Variants in DSCAM observed in about 807,000 individuals in gnomAD.
The protein encoded by DSCAM is cell adhesion molecule DSCAM.
Under a neutral mutation model 217.7 loss-of-function variants are expected in DSCAM, and 47 were observed. The ratio of observed to expected loss-of-function variants is 0.22; its 90% CI spans 0.17 to 0.28. The LOEUF (loss-of-function observed/expected upper bound fraction) is 0.28, where lower values mean the gene tolerates loss of function less well. DSCAM is among the 10% of genes least tolerant of loss of function. The probability of loss-of-function intolerance (pLI) is 1.00; values close to 1 mark genes in which losing one functional copy is unlikely to be tolerated. For synonymous variants in DSCAM, 1,056 were observed against 1,015.3 expected (o/e 1.04, Z -0.76); for missense variants, 2,080 against 2,618.3 (o/e 0.79, Z 4.49).
intron 3 of DSCAM, among the ~76,000 whole-genome samples, chr21:40,616,582 G>A (rs902663746): frequency 1.3e-5 from 2 of 152,112 alleles, no homozygotes; most frequent in Non-Finnish European, 2.9e-5. Context: ...AGACTTTGGA[G>A]GCCACTGCTG....
chr21:40,547,066 A>T (rs534415528), intron 3 of DSCAM, among the ~76,000 whole-genome samples: 21 of 152,284 alleles, frequency 1.4e-4, no homozygotes, highest in African/African-American at 5.1e-4. Context: ...CAGAGCCAAG[A>T]GCAGCCCAAC....
chr21:40,579,673 A>G (rs2146219696), intron 3 of DSCAM, among the ~76,000 whole-genome samples: 1 of 152,362 alleles, frequency 6.6e-6, no homozygotes, highest in South Asian at 2.1e-4. Context: ...GACAAAGTTA[A>G]GATCGTCGCT....
chr21:40,740,910 T>C (rs1242206235), intron 1 of DSCAM, among the ~76,000 whole-genome samples: 1 of 152,228 alleles, frequency 6.6e-6, no homozygotes, highest in Non-Finnish European at 1.5e-5. Context: ...GGTATTATCC[T>C]CCAACTCTAG....
chr21:40,433,707 G>T (rs1041772443), intron 3 of DSCAM, among the ~76,000 whole-genome samples: 2 of 152,138 alleles, frequency 1.3e-5, no homozygotes, highest in Non-Finnish European at 2.9e-5. Context: ...CATCTGAGGT[G>T]GATGTCACCT....
At chr21:40,175,952 G>T (rs1268682776) in intron 15 of DSCAM, among the ~76,000 whole-genome samples, 1 of 151,692 alleles carries the variant, frequency 6.6e-6, no homozygotes, top group East Asian at 2.0e-4. Context: ...AGAATTGTAA[G>T]CACATATGCC....
intron 8 of DSCAM, among the ~76,000 whole-genome samples, chr21:40,315,288 C>T (rs1859203204): frequency 6.6e-6 from 1 of 151,666 alleles, no homozygotes; most frequent in Non-Finnish European, 1.5e-5. Flanking sequence ...CCTATAGTCC[C>T]AGCTACTAGG....
chr21:40,500,083 G>T (rs1247902404), intron 3 of DSCAM, among the ~76,000 whole-genome samples: 1 of 152,158 alleles, frequency 6.6e-6, no homozygotes, highest in Non-Finnish European at 1.5e-5. Flanking sequence ...ACTGCGCCCG[G>T]CTGAGTACCC....
At chr21:40,381,893 G>A (rs1346019737) in intron 3 of DSCAM, among the ~76,000 whole-genome samples, 3 of 152,162 alleles carry the variant, frequency 2.0e-5, no homozygotes, top group Non-Finnish European at 4.4e-5. Context: ...TAAATATTCT[G>A]CAGCTTGTTT....
At chr21:40,487,109 T>TTTGA (rs1046775760) in intron 3 of DSCAM, among the ~76,000 whole-genome samples, 4 of 152,184 alleles carry the variant, frequency 2.6e-5, no homozygotes, top group African/African-American at 9.6e-5. Flanking sequence ...AGCACAAAGG[T>TTTGA]TTGATCCTTT....
chr21:40,594,231 T>A (rs2077004482), intron 3 of DSCAM, among the ~76,000 whole-genome samples: 1 of 152,200 alleles, frequency 6.6e-6, no homozygotes, highest in East Asian at 1.9e-4. Flanking sequence ...CAATCCTAGA[T>A]TTGGAACAAT....
chr21:40,530,920 ACCATCCATCCATCCAT>A (rs749257248), intron 3 of DSCAM, among the ~76,000 whole-genome samples: 3,340 of 88,530 alleles, frequency 0.038, 120 homozygotes, highest in African/African-American at 0.18. Flanking sequence ...CATCCATTCA[ACCATCCATCCATCCAT>A]CCATCCATCC....
At chr21:40,622,960 C>T (rs533207481) in intron 3 of DSCAM, among the ~76,000 whole-genome samples, 69 of 152,042 alleles carry the variant, frequency 4.5e-4, no homozygotes, top group African/African-American at 1.6e-3. Context: ...ACATTAGTTA[C>T]CTAGTAAATT....
intron 10 of DSCAM, among the ~76,000 whole-genome samples, chr21:40,278,753 AGAG>A (rs1040599847): frequency 1.3e-5 from 2 of 151,998 alleles, no homozygotes; most frequent in South Asian, 2.1e-4. Flanking sequence ...AGGAGGAGGA[AGAG>A]GAGGAGGAGG....
Position 40,518,820 on chromosome 21 carries a change from T to G in DSCAM, c.509-149575A>C, listed in dbSNP as rs1433736502. ...AGTGGGATATGTTCTGATAAGTATG[T>G]CATTAGGCAATTTCATTATCATGCA... On this transcript the variant is annotated intron_variant, in intron 3 of 32. Transcript: ENST00000400454. 6.6e-5 allele frequency among the ~76,000 whole-genome samples: 10 copies of G among 151,498 alleles called. No homozygotes were observed. In the Admixed American group the frequency reaches 6.6e-4, roughly 10 times the overall value.
chr21:40,825,467 A>G (rs997699977), intron 1 of DSCAM, among the ~76,000 whole-genome samples: 19 of 151,940 alleles, frequency 1.3e-4, no homozygotes, highest in African/African-American at 4.4e-4. Flanking sequence ...ACAGGCACTT[A>G]CCACCACGCC....
rs34308158 is a variant in DSCAM at position 40,246,354 on chromosome 21, TAAAAAAAAAAAAA to T, written c.2356+29730_2356+29742del. Reference sequence around the variant, plus strand: ...CAACATGATGAAACCCAGTCCGTACTAAAAAAAAAAAAAAAAAAAAAAAAAAAAAAAAAAAAAT... The same window carrying T: ...CAACATGATGAAACCCAGTCCGTACTAAAAAAAAAAAAAAAAAAAAAAAAT... On this transcript the variant is annotated intron_variant, in intron 11 of 32. Transcript: ENST00000400454. 4.6e-3 allele frequency among the ~76,000 whole-genome samples: 64 copies of T among 13,934 alleles called. 1 individual carries two copies. Among genetic ancestry groups the T allele is most frequent in the South Asian group, 0.011 (2 of 176 alleles). 9.1% of individuals were successfully genotyped at this position (13,934 alleles called of 152,430 possible). A position where few individuals can be genotyped will look rare whatever the true frequency, so the allele number is the denominator to read the frequency against.
chr21:40,056,255 G>A (rs1045141713), intron 28 of DSCAM, among the ~76,000 whole-genome samples: 10 of 152,312 alleles, frequency 6.6e-5, no homozygotes, highest in African/African-American at 2.2e-4. Flanking sequence ...GAAAAAGCAC[G>A]TGCACCAGCT....
chr21:40,376,391 G>GAT (rs972351272), intron 3 of DSCAM, among the ~76,000 whole-genome samples: 9 of 144,842 alleles, frequency 6.2e-5, no homozygotes, highest in African/African-American at 2.0e-4. Context: ...GGAAATAGAA[G>GAT]ATATATATAT....
intron 3 of DSCAM, among the ~76,000 whole-genome samples, chr21:40,648,544 G>C (rs1268675192): frequency 1.3e-5 from 2 of 152,154 alleles, no homozygotes; most frequent in African/African-American, 4.8e-5. Context: ...AGACTGGATT[G>C]AGAACCTGTC....
Sources: allele counts gnomAD v4.1 joint callset (sites outside exome capture counted in the v4.1 genomes callset), GRCh38; gene constraint gnomAD v4.1.1; transcripts MANE v1.5; gene names NCBI Gene and HGNC (gene_info 2026-07-23, HGNC 2026-07-21).